The following SULT1C4 variants were observed in gnomAD, a reference collection of about 807,000 sequenced individuals.
SULT1C4 encodes the protein sulfotransferase family 1C member 4.
In SULT1C4, 32 loss-of-function variants were observed where a neutral mutation model predicts 34.8. The observed-to-expected ratio is 0.92, with a 90% confidence interval of 0.69 to 1.23. The LOEUF is 1.23. Ranked by LOEUF, SULT1C4 falls within the 50% of genes most tolerant of loss-of-function variation. The probability of loss-of-function intolerance (pLI) is 0.00; values close to 1 mark genes in which losing one functional copy is unlikely to be tolerated. For missense variants in SULT1C4, 375 were observed against 365.9 expected, an observed-to-expected ratio of 1.02 and a Z score of -0.20; for synonymous variants, 111 against 120.5, an observed-to-expected ratio of 0.92 and a Z score of 0.51.
intron 5 of SULT1C4, among the ~76,000 whole-genome samples, chr2:108,384,615 T>G (rs928683521): frequency 6.6e-6 from 1 of 152,250 alleles, no homozygotes; most frequent in Non-Finnish European, 1.5e-5. Flanking sequence ...CTGTCAATTC[T>G]TGGTAAAGAC....
intron 5 of SULT1C4, among the ~76,000 whole-genome samples, chr2:108,383,875 G>T (rs554672370): frequency 0.071 from 10,536 of 147,792 alleles, 965 homozygotes; most frequent in African/African-American, 0.22. Flanking sequence ...TTTTGTTTTT[G>T]TTTTTGAGAC....
rs759283354 is a variant in SULT1C4 at position 108,384,236 on chromosome 2, T to A, written c.615+726T>A. ...TATTTATTTATTTATTTATTTATTT[T>A]ATTTATTTTTTGAGACGGAGTCTCA... On this transcript the variant is annotated intron_variant, in intron 5 of 6. Coordinates refer to ENST00000272452, the MANE Select transcript of SULT1C4 (RefSeq NM_006588.4). Among the ~76,000 whole-genome samples the A allele has an allele frequency of 5.9e-3, 880 of 149,536 alleles. 4 individuals are homozygous for A. Among genetic ancestry groups the A allele is most frequent in the South Asian group, 0.014 (67 of 4,796 alleles).
intron 6 of SULT1C4, 74 bp downstream of exon 6, chr2:108,386,446 T>C: frequency 8.7e-7 from 1 of 1,154,300 alleles, no homozygotes; most frequent in Non-Finnish European, 1.1e-6. Context: ...GAGTTTTCTT[T>C]CCTGTGTCTA....
In SULT1C4 at chr2:108,383,536, A is replaced by G. The variant is rs754583847; in HGVS notation, c.615+26A>G. ...GTGAGCACAGTGCCATCTAAGGTGT[A>G]CCCACTGGACCATAAAACATTTAAG... On this transcript the variant is annotated intron_variant, in intron 5 of 6. Transcript: ENST00000272452. 4 of 1,591,684 alleles carry G rather than the reference A, an allele frequency of 2.5e-6. No homozygotes were observed. The Admixed American group carries it at 5.2e-5, about 21-fold the overall frequency.
In SULT1C4 at chr2:108,382,477, T is replaced by C. The variant is rs780780980; in HGVS notation, c.388T>C (p.Cys130Arg). 4 of 1,613,942 alleles carry C rather than the reference T, an allele frequency of 2.5e-6. No homozygotes were observed. The highest frequency in any genetic ancestry group is 3.4e-6 in the Non-Finnish European group (4 of 1,179,870). Residue 130 changes from cysteine (C) to arginine (R), a missense_variant, in exon 3 of 7, where the codon TGT (cysteine) becomes CGT (arginine). Transcript: ENST00000272452. ...GCCACCATCCTTGCTAGAGAAAAAC[T>C]GTAAGGTAAAAAAGCAAAAGGAATT... ...LLPPSLLEKN[C>R]KIIYVARNPK...
Position 108,383,214 on chromosome 2 carries a change from G to T in SULT1C4, c.515G>T (p.Gly172Val). Residue 172 changes from glycine (G) to valine (V), a missense_variant, in exon 4 of 7, where the codon GGG becomes GTG. Gly to Val is a moderately radical substitution (Grantham distance 109). Transcript: ENST00000272452. ...WEEYFETFLA[G>V]KVCWGSWHEH... Reference sequence around the variant, plus strand: ...GAGTATTTTGAGACTTTTCTGGCTGGGAAAGGTGAGAGAATTTAGCTTTGT... The same window carrying T: ...GAGTATTTTGAGACTTTTCTGGCTGTGAAAGGTGAGAGAATTTAGCTTTGT... 6.2e-7 allele frequency: 1 copy of T among 1,608,520 alleles called. No homozygotes were observed. The highest frequency in any genetic ancestry group is 8.5e-7 in the Non-Finnish European group (1 of 1,178,760).
At chr2:108,386,143 T>C in intron 5 of SULT1C4, 49 bp from the exon 6 acceptor site, 1 of 1,322,406 alleles carries the variant, frequency 7.6e-7, no homozygotes, top group East Asian at 2.7e-5. Flanking sequence ...AATATTCTTT[T>C]TAAACTAATT....
chr2:108,378,549 G>A (rs1678306346), intron 1 of SULT1C4, 43 bp downstream of exon 1: 6 of 1,596,086 alleles, frequency 3.8e-6, no homozygotes, highest in Middle Eastern at 1.7e-4. Context: ...AGGAGAGTTA[G>A]GAAGGTAAGT....
chr2:108,384,316 C>T (rs1279756827), intron 5 of SULT1C4, among the ~76,000 whole-genome samples: 2 of 152,180 alleles, frequency 1.3e-5, no homozygotes, highest in African/African-American at 4.8e-5. Flanking sequence ...CTGCAAGCTC[C>T]GCCTCCCGGG....
At chr2:108,379,860 C>T (rs886405138) in intron 1 of SULT1C4, among the ~76,000 whole-genome samples, 5 of 152,138 alleles carry the variant, frequency 3.3e-5, no homozygotes, top group African/African-American at 7.2e-5. Flanking sequence ...CCACTCACCC[C>T]GGAGCCTCTA....
intron 6 of SULT1C4, among the ~76,000 whole-genome samples, chr2:108,386,699 T>G (rs1039073247): frequency 2.6e-5 from 4 of 152,232 alleles, no homozygotes; most frequent in Non-Finnish European, 5.9e-5. Context: ...TGCTATCAGA[T>G]TCAGTCATTC....
At position 108,387,505 on chromosome 2, in the gene SULT1C4, A is replaced by G; in HGVS notation, c.*73A>G. The G allele has an allele frequency of 2.3e-6, 2 of 883,730 alleles. No homozygotes were observed. The highest frequency in any genetic ancestry group is 3.1e-4 in the Middle Eastern group (1 of 3,242). The allele number at this position is 883,730 out of a possible 1,614,324, so 54.7% of individuals were successfully genotyped here. A position where few individuals can be genotyped will look rare whatever the true frequency, so the allele number is the denominator to read the frequency against. On this transcript the variant is annotated 3_prime_UTR_variant, in exon 7 of 7. Transcript: ENST00000272452. ...GGGTAATAATGAAAGTTTAATTCTC[A>G]TAACAAATGATATCAGATTCCAGTT...
At position 108,381,861 on chromosome 2, in the gene SULT1C4, A is replaced by G; in HGVS notation, c.269A>G (p.Glu90Gly). ...APTHQRFPFLEMKIPSLGSGL... is the reference protein window; with the variant it reads ...APTHQRFPFLGMKIPSLGSGL... ...ACTCATCAACGATTTCCTTTCCTCG[A>G]AATGAAAATCCCATCCTTAGGATCT... Residue 90 changes from glutamate (E) to glycine (G), a missense_variant, in exon 2 of 7, where the codon GAA becomes GGA. Physicochemically the swap from Glu to Gly is moderately conservative, Grantham distance 98. Transcript: ENST00000272452. 1.3e-6 allele frequency: 2 copies of G among 1,500,972 alleles called. No individual in the cohort carries two copies. Among genetic ancestry groups the G allele is most frequent in the Non-Finnish European group, 1.8e-6 (2 of 1,131,080 alleles). 93.0% of individuals were successfully genotyped at this position (1,500,972 alleles called of 1,614,324 possible).
chr2:108,383,949 A>G (rs1164073469), intron 5 of SULT1C4, among the ~76,000 whole-genome samples: 1 of 151,846 alleles, frequency 6.6e-6, no homozygotes, highest in Non-Finnish European at 1.5e-5. Context: ...AGTCACTGCA[A>G]GCTCCGCCTC....
chr2:108,382,583 C>G, intron 3 of SULT1C4, 101 bp downstream of exon 3: 1 of 857,092 alleles, frequency 1.2e-6, no homozygotes, highest in Non-Finnish European at 1.9e-6. Flanking sequence ...ATATATATAC[C>G]TCTTCACAAT....
intron 5 of SULT1C4, among the ~76,000 whole-genome samples, chr2:108,385,494 T>C (rs1042909648): frequency 1.4e-4 from 21 of 152,200 alleles, no homozygotes; most frequent in Non-Finnish European, 4.4e-5. Flanking sequence ...ATTTTTGACA[T>C]ACAAGCTTTT....
Position 108,385,208 on chromosome 2 carries a change from G to C in SULT1C4, c.616-984G>C, listed in dbSNP as rs41340950. On this transcript the variant is annotated intron_variant, in intron 5 of 6. Transcript: ENST00000272452. ...GTTGTGCCACCATACGAAGACTCCA[G>C]GCAGATGATGTTTCCCTACAGCATG... 2.8e-3 allele frequency among the ~76,000 whole-genome samples: 424 copies of C among 152,264 alleles called. 2 individuals are homozygous for C. Among genetic ancestry groups the C allele is most frequent in the Non-Finnish European group, 4.6e-3 (313 of 68,026 alleles).
Position 108,383,405 on chromosome 2 carries a change from C to A in SULT1C4, c.521-11C>A. Reference sequence around the variant, plus strand: ...GTGACTCATTGTCCTGTTTTCCATCCCATCCTCCAGTGTGCTGGGGCTCCT... The same window carrying A: ...GTGACTCATTGTCCTGTTTTCCATCACATCCTCCAGTGTGCTGGGGCTCCT... On this transcript the variant is annotated splice_polypyrimidine_tract_variant and intron_variant, in intron 4 of 6. Coordinates refer to ENST00000272452, the MANE Select transcript of SULT1C4 (RefSeq NM_006588.4). 1 of 1,613,040 alleles carries A rather than the reference C, an allele frequency of 6.2e-7. No homozygotes were observed. The highest frequency in any genetic ancestry group is 8.5e-7 in the Non-Finnish European group (1 of 1,179,488).
chr2:108,384,665 A>T (rs1678522926), intron 5 of SULT1C4, among the ~76,000 whole-genome samples: 1 of 152,244 alleles, frequency 6.6e-6, no homozygotes, highest in Non-Finnish European at 1.5e-5. Context: ...AAATGTAAAA[A>T]TGAAGATAAT....
Sources: allele counts gnomAD v4.1 joint callset (sites outside exome capture counted in the v4.1 genomes callset), GRCh38; gene constraint gnomAD v4.1.1; transcripts MANE v1.5; gene names NCBI Gene and HGNC (gene_info 2026-07-23, HGNC 2026-07-21).